The following SNTG2 variants were observed in gnomAD, a reference collection of about 807,000 sequenced individuals.
The protein encoded by SNTG2 is gamma-2-syntrophin.
In SNTG2, 74 loss-of-function variants were observed where a neutral mutation model predicts 70.9. The observed-to-expected ratio is 1.04, with a 90% CI of 0.86 to 1.27. The LOEUF is 1.27. Among genes scored for constraint, SNTG2 ranks in the 50% most tolerant of loss-of-function variants. The pLI, the probability that SNTG2 is intolerant of heterozygous loss-of-function variation, is 0.00. For missense variants in SNTG2, 717 were observed against 690.7 expected, an observed-to-expected ratio of 1.04 and a Z score of -0.43; for synonymous variants, 278 against 273.8, an observed-to-expected ratio of 1.02 and a Z score of -0.15.
chr2:1,109,554 A>G (rs1666306111), intron 4 of SNTG2, among the ~76,000 whole-genome samples: 1 of 152,164 alleles, frequency 6.6e-6, no homozygotes, highest in Non-Finnish European at 1.5e-5. Context: ...ATAAACAGGA[A>G]TTATGAGTTG....
intron 6 of SNTG2, among the ~76,000 whole-genome samples, chr2:1,153,836 T>A (rs1669678857): frequency 1.3e-5 from 2 of 152,210 alleles, no homozygotes; most frequent in Admixed American, 6.5e-5. Context: ...AAAATCAAAG[T>A]GCATCAGCTT....
chr2:1,260,537 AT>A (rs1175461273), intron 13 of SNTG2, among the ~76,000 whole-genome samples: 6 of 152,352 alleles, frequency 3.9e-5, no homozygotes, highest in East Asian at 1.9e-4. Flanking sequence ...GAAAGTGAAC[AT>A]TTCTGTGCTA....
chr2:1,085,255 A>G (rs1290117063), intron 2 of SNTG2, among the ~76,000 whole-genome samples: 4 of 152,218 alleles, frequency 2.6e-5, no homozygotes, highest in East Asian at 3.8e-4. Context: ...GAGATTTTTA[A>G]CTATAGAAAA....
intron 1 of SNTG2, among the ~76,000 whole-genome samples, chr2:1,081,622 G>A (rs550292216): frequency 1.4e-4 from 21 of 152,328 alleles, no homozygotes; most frequent in East Asian, 5.8e-4. Context: ...CCTCCTTCCC[G>A]GCTGCCCTTG....
chr2:1,365,775 G>T (rs1661444516), intron 16 of SNTG2, among the ~76,000 whole-genome samples: 1 of 152,242 alleles, frequency 6.6e-6, no homozygotes. Flanking sequence ...AGAAAGGCAT[G>T]CAGAGAGGAC....
intron 14 of SNTG2, among the ~76,000 whole-genome samples, chr2:1,292,409 A>T (rs532635475): frequency 3.3e-4 from 50 of 152,286 alleles, no homozygotes; most frequent in African/African-American, 1.2e-3. Context: ...AGCAGTAGGC[A>T]TCCTTGCCTT....
chr2:1,263,554 G>A (rs946163250), intron 13 of SNTG2, among the ~76,000 whole-genome samples: 2 of 151,828 alleles, frequency 1.3e-5, no homozygotes, highest in South Asian at 2.1e-4. Flanking sequence ...AGTCCTAGGT[G>A]GGGGGTGGGC....
intron 16 of SNTG2, among the ~76,000 whole-genome samples, chr2:1,332,655 A>G (rs564827116): frequency 1.1e-4 from 16 of 152,350 alleles, no homozygotes; most frequent in African/African-American, 3.6e-4. Context: ...ATGGTTTAAC[A>G]TACGTAAGTC....
chr2:1,222,117 C>CTCTG (rs1185946852), intron 9 of SNTG2, among the ~76,000 whole-genome samples: 4 of 37,452 alleles, frequency 1.1e-4, no homozygotes, highest in African/African-American at 2.5e-4. Context: ...CTCTCTCTGT[C>CTCTG]TCTCTCTGTC....
intron 9 of SNTG2, among the ~76,000 whole-genome samples, chr2:1,236,684 C>T (rs1223812223): frequency 1.3e-5 from 2 of 152,196 alleles, no homozygotes; most frequent in African/African-American, 4.8e-5. Context: ...AAATAGCAAA[C>T]TCTGGTCTGA....
intron 1 of SNTG2, among the ~76,000 whole-genome samples, chr2:1,046,991 T>TGTCA (rs1661774690): frequency 6.6e-6 from 1 of 152,204 alleles, no homozygotes; most frequent in Non-Finnish European, 1.5e-5. Context: ...CTTTCAGGAA[T>TGTCA]GTCAGTCAGT....
chr2:1,210,173 T>C (rs533762294), intron 9 of SNTG2, among the ~76,000 whole-genome samples: 1 of 152,226 alleles, frequency 6.6e-6, no homozygotes, highest in Non-Finnish European at 1.5e-5. Flanking sequence ...AGGATGTTCA[T>C]GTTTGCGGAA....
chr2:1,052,345 T>C (rs1302262548), intron 1 of SNTG2, among the ~76,000 whole-genome samples: 1 of 152,186 alleles, frequency 6.6e-6, no homozygotes, highest in East Asian at 1.9e-4. Context: ...TTTTAGCAAA[T>C]TGCATGTTTT....
At chr2:1,017,749 T>C (rs542713052) in intron 1 of SNTG2, among the ~76,000 whole-genome samples, 1 of 152,356 alleles carries the variant, frequency 6.6e-6, no homozygotes, top group South Asian at 2.1e-4. Flanking sequence ...TGATCACAGA[T>C]AAGCATTGCT....
intron 4 of SNTG2, among the ~76,000 whole-genome samples, chr2:1,118,392 G>A (rs760170812): frequency 7.9e-5 from 12 of 151,970 alleles, no homozygotes; most frequent in Non-Finnish European, 1.5e-4. Flanking sequence ...TGCAGCCTAT[G>A]CCACTTAGAC....
At chr2:1,240,859 T>C (rs1677000908) in intron 11 of SNTG2, among the ~76,000 whole-genome samples, 1 of 152,224 alleles carries the variant, frequency 6.6e-6, no homozygotes, top group Non-Finnish European at 1.5e-5. Context: ...TACATAGATA[T>C]TTTATGATTA....
intron 8 of SNTG2, among the ~76,000 whole-genome samples, chr2:1,180,030 C>G (rs1448441489): frequency 1.5e-4 from 20 of 132,886 alleles, no homozygotes; most frequent in African/African-American, 5.4e-4. Context: ...AAAGCTGAAA[C>G]TGGATCCCTT....
chr2:1,069,919 C>T (rs939317620), intron 1 of SNTG2, among the ~76,000 whole-genome samples: 2 of 152,120 alleles, frequency 1.3e-5, no homozygotes, highest in Non-Finnish European at 2.9e-5. Context: ...CCAGGAATCC[C>T]GGGAAGCCCA....
intron 8 of SNTG2, among the ~76,000 whole-genome samples, chr2:1,203,677 T>TAC: frequency 1.6e-5 from 1 of 64,034 alleles, no homozygotes; most frequent in Non-Finnish European, 3.2e-5. Context: ...AAAAAAAATA[T>TAC]ATATATATAT....
Sources: gnomAD v4.1 joint callset for allele counts (sites outside exome capture counted in the v4.1 genomes callset) on GRCh38, gnomAD v4.1.1 for gene constraint, MANE v1.5 for transcripts, NCBI Gene and HGNC (gene_info 2026-07-23, HGNC 2026-07-21) for gene names.